SMG7: variants seen among roughly 807,000 people sequenced by gnomAD.
SMG7 encodes nonsense-mediated mRNA decay factor SMG7.
SMG7 carries 34 observed loss-of-function variants against 148.2 expected under a neutral mutation model. The ratio of observed to expected loss-of-function variants is 0.23; its 90% CI spans 0.17 to 0.31. The LOEUF is 0.31. Ranked by LOEUF, SMG7 falls within the 10% of genes least tolerant of loss-of-function variation. SMG7 has a pLI of 1.00. For missense variants in SMG7, 1,114 were observed against 1,408.4 expected (o/e 0.79, Z 3.35); for synonymous variants, 492 against 515.1 (o/e 0.96, Z 0.61).
At chr1:183,489,576 A>C (rs1656411921) in intron 1 of SMG7, among the ~76,000 whole-genome samples, 1 of 152,182 alleles carries the variant, frequency 6.6e-6, no homozygotes, top group East Asian at 1.9e-4. Context: ...ATATTTAATG[A>C]ATATCTATGG....
chr1:183,550,011 T>C, intron 20 of SMG7, 88 bp downstream of exon 20: 2 of 818,930 alleles, frequency 2.4e-6, no homozygotes, highest in Non-Finnish European at 3.7e-6. Flanking sequence ...ATTACAAATA[T>C]ATCATTTGTT....
chr1:183,544,914 T>G lies in SMG7; in HGVS notation c.1988-16T>G. The G allele has an allele frequency of 6.2e-7, 1 of 1,602,910 alleles. No individual in the cohort carries two copies. Among genetic ancestry groups the G allele is most frequent in the Non-Finnish European group, 8.5e-7 (1 of 1,173,126 alleles). ...CTGTTTCCTTAAAACTAAAGCTGTGTTCTTCTGTTTTGAAGGGTTTCCGCC... is the reference window on the plus strand; with the variant it reads ...CTGTTTCCTTAAAACTAAAGCTGTGGTCTTCTGTTTTGAAGGGTTTCCGCC... On this transcript the variant is annotated splice_polypyrimidine_tract_variant and intron_variant, in intron 15 of 22. Transcript: ENST00000688051.
intron 1 of SMG7, among the ~76,000 whole-genome samples, chr1:183,508,568 C>T (rs928058633): frequency 1.3e-5 from 2 of 152,070 alleles, no homozygotes; most frequent in African/African-American, 4.8e-5. Context: ...TATAAGGTTA[C>T]GTATCCATTG....
At chr1:183,483,879 A>G (rs142723798) in intron 1 of SMG7, among the ~76,000 whole-genome samples, 1 of 152,290 alleles carries the variant, frequency 6.6e-6, no homozygotes, top group Non-Finnish European at 1.5e-5. Context: ...CTAATGTAAT[A>G]TATTAATTTG....
chr1:183,534,858 A>C (rs1273103457), intron 10 of SMG7, among the ~76,000 whole-genome samples: 5 of 152,116 alleles, frequency 3.3e-5, no homozygotes, highest in Admixed American at 2.6e-4. Flanking sequence ...AAAAAAAAAA[A>C]AGAAAGACCT....
In SMG7 at chr1:183,542,191, G is replaced by A; in HGVS notation, c.1531G>A (p.Val511Met). The A allele has an allele frequency of 6.2e-7, 1 of 1,614,022 alleles. No homozygotes were observed. Among genetic ancestry groups the A allele is most frequent in the East Asian group, 2.2e-5 (1 of 44,888 alleles). ...KENLILQETS[V>M]IESLAADGSP... Reference sequence around the variant, plus strand: ...GAACCTCATTCTGCAAGAAACATCTGTGATAGAGTCGCTGGCTGCAGATGG... The same window carrying A: ...GAACCTCATTCTGCAAGAAACATCTATGATAGAGTCGCTGGCTGCAGATGG... The change falls in exon 14 of 23, where the codon GTG becomes ATG. Residue 511 changes from valine to methionine, a missense_variant. By Grantham distance (21) the Val-to-Met change is conservative. Around this residue, in one of 4 missense-constraint regions of SMG7, gnomAD observed 788 missense variants for 894.5 expected, o/e 0.88. Coordinates refer to ENST00000688051, the MANE Select transcript of SMG7 (RefSeq NM_001375584.1).
At chr1:183,515,789 C>A in intron 2 of SMG7, 85 bp from the exon 3 acceptor site, 1 of 739,028 alleles carries the variant, frequency 1.4e-6, no homozygotes, top group South Asian at 1.7e-5. Flanking sequence ...GGGGATAGAG[C>A]AGGAAGGAGT....
rs545324216 is a variant in SMG7, at chr1:183,474,504, C to T, written c.29+1855C>T. Among the ~76,000 whole-genome samples the T allele has an allele frequency of 9.2e-5, 14 of 152,288 alleles. No individual in the cohort carries two copies. The East Asian group carries it at 2.5e-3, about 27-fold the overall frequency. ...GCTTGAACCCGGGAGGCAGAGGTTGCAGTGAGCCGAGATGGCGTCATTGCA... is the reference window on the plus strand; with the variant it reads ...GCTTGAACCCGGGAGGCAGAGGTTGTAGTGAGCCGAGATGGCGTCATTGCA... On this transcript the variant is annotated intron_variant, in intron 1 of 22. Transcript: ENST00000688051.
At chr1:183,501,978 G>C (rs773311375) in intron 1 of SMG7, among the ~76,000 whole-genome samples, 1 of 152,036 alleles carries the variant, frequency 6.6e-6, no homozygotes, top group Admixed American at 6.6e-5. Flanking sequence ...CTTGGTAACC[G>C]GTATCTGTTT....
chr1:183,533,215 G>A lies in SMG7; in HGVS notation c.895G>A (p.Val299Ile), dbSNP rs1667173754. 1.2e-6 allele frequency: 2 copies of A among 1,613,798 alleles called. No individual in the cohort carries two copies. The highest frequency in any genetic ancestry group is 2.7e-5 in the African/African-American group (2 of 74,914). Reference protein sequence around the residue: ...FNSQQLVHVTVINLFQLHHLR... With the variant: ...FNSQQLVHVTIINLFQLHHLR... The stretch of plus-strand genomic sequence containing the variant: ...CTCTCAGCAGTTAGTTCATGTCACT[G>A]TCATTAACCTGTTTCAACTTCATCA... The change falls in exon 9 of 23, where the codon GTC becomes ATC. Residue 299 changes from valine (V) to isoleucine (I), a missense_variant. Val to Ile is a conservative substitution (Grantham distance 29, BLOSUM62 3). This residue lies in a region of SMG7 where 8 missense variants were observed against 37.6 expected (regional missense o/e 0.21). Coordinates refer to ENST00000688051, the MANE Select transcript of SMG7 (RefSeq NM_001375584.1).
rs753438918 is a variant in SMG7 at position 183,533,146 on chromosome 1, GTC to G, written c.844-16_844-15del. 6.2e-7 allele frequency: 1 copy of G among 1,610,094 alleles called. No individual in the cohort carries two copies. Among genetic ancestry groups the G allele is most frequent in the East Asian group, 2.2e-5 (1 of 44,814 alleles). ...CTGTTCTTGATAATATATGCAGTAC[GTC>G]TGTCTTCTTTTACAGAGGCTGCTAT... On this transcript the variant is annotated splice_polypyrimidine_tract_variant and intron_variant, in intron 8 of 22. Transcript: ENST00000688051.
Position 183,528,940 on chromosome 1 carries a change from A to C in SMG7, c.605A>C (p.His202Pro). The stretch of plus-strand genomic sequence containing the variant: ...ATCTTAGCTTCTTCCAAAGGAGACC[A>C]TCTGACCACAATTTTCTACTACTGC... ...LAILASSKGD[H>P]LTTIFYYCRS... Residue 202 changes from histidine to proline, a missense_variant, in exon 7 of 23, where the codon CAT (histidine) becomes CCT (proline). By Grantham distance (77) the His-to-Pro change is moderately conservative (BLOSUM62 -2). This residue lies in a region of SMG7 where 216 missense variants were observed against 329.1 expected (regional missense o/e 0.66). Coordinates refer to ENST00000688051, the MANE Select transcript of SMG7 (RefSeq NM_001375584.1). The C allele has an allele frequency of 6.2e-7, 1 of 1,613,634 alleles. No individual in the cohort carries two copies. The highest frequency in any genetic ancestry group is 8.5e-7 in the Non-Finnish European group (1 of 1,179,612).
chr1:183,529,286 C>A, intron 7 of SMG7, 112 bp from the exon 8 acceptor site: 1 of 1,246,404 alleles, frequency 8.0e-7, no homozygotes, highest in Non-Finnish European at 1.1e-6. Context: ...GTTGAAAAAT[C>A]AGTCAAATAC....
At position 183,551,198 on chromosome 1, in the gene SMG7, G is replaced by C. The variant is rs376599650; in HGVS notation, c.3450+8G>C. On this transcript the variant is annotated splice_region_variant and intron_variant, in intron 22 of 22. Coordinates refer to ENST00000688051, the MANE Select transcript of SMG7 (RefSeq NM_001375584.1). ...CTCATGGAAAGCCTAAAGGTGAGTA[G>C]ATTTCAGGAACAAGAACCACAAGAT... The C allele has an allele frequency of 6.7e-5, 104 of 1,556,128 alleles. No homozygotes were observed. The Admixed American group carries it at 1.5e-3, about 22-fold the overall frequency.
intron 15 of SMG7, 62 bp downstream of exon 15, chr1:183,544,559 A>G (rs552427085): frequency 6.5e-6 from 10 of 1,545,334 alleles, no homozygotes; most frequent in African/African-American, 4.1e-5. Context: ...CTATTCAGTC[A>G]CTGAGAAATG....
intron 1 of SMG7, among the ~76,000 whole-genome samples, chr1:183,482,476 G>A (rs540203415): frequency 2.0e-5 from 3 of 151,914 alleles, no homozygotes; most frequent in Non-Finnish European, 4.4e-5. Context: ...ATTATTAAAT[G>A]ATTACGTGGG....
intron 1 of SMG7, among the ~76,000 whole-genome samples, chr1:183,490,676 A>G (rs1166115582): frequency 6.6e-6 from 1 of 152,216 alleles, no homozygotes; most frequent in Non-Finnish European, 1.5e-5. Context: ...CAAATTCTCT[A>G]TGTAATAAAA....
chr1:183,497,141 C>T (rs1194464585), intron 1 of SMG7, among the ~76,000 whole-genome samples: 1 of 152,186 alleles, frequency 6.6e-6, no homozygotes, highest in Non-Finnish European at 1.5e-5. Flanking sequence ...TCATGTCATA[C>T]CTTTGCTTAA....
rs1671322620 is a variant in SMG7, at chr1:183,553,147, A to C, written c.*1216A>C. 1.3e-6 allele frequency: 2 copies of C among 1,536,354 alleles called. No homozygotes were observed. The highest frequency in any genetic ancestry group is 1.7e-6 in the Non-Finnish European group (2 of 1,146,966). Reference sequence around the variant, plus strand: ...CAGCACGGACATGTGCCCATCAGGCACAGAAGAAAACACGACGTCGTCCAT... The same window carrying C: ...CAGCACGGACATGTGCCCATCAGGCCCAGAAGAAAACACGACGTCGTCCAT... On this transcript the variant is annotated 3_prime_UTR_variant, in exon 23 of 23. Coordinates refer to ENST00000688051, the MANE Select transcript of SMG7 (RefSeq NM_001375584.1).
Sources: allele counts gnomAD v4.1 joint callset (sites outside exome capture counted in the v4.1 genomes callset), GRCh38; gene constraint gnomAD v4.1.1; regional missense constraint gnomAD v4.1.1; transcripts MANE v1.5; gene names NCBI Gene and HGNC (gene_info 2026-07-23, HGNC 2026-07-21).